The following COMMD7 variants were observed in gnomAD, a reference collection of about 807,000 sequenced individuals.
The protein encoded by COMMD7 is COMM domain containing 7, also known as COMM domain-containing protein 7.
A neutral mutation model predicts 34.8 loss-of-function variants in COMMD7; 28 were observed. That is an observed-to-expected ratio of 0.80 (90% confidence interval 0.60 to 1.10). COMMD7 has a LOEUF of 1.10. Among genes scored for constraint, COMMD7 ranks in the 50% least tolerant of loss-of-function variants. The pLI is 0.00. For synonymous variants in COMMD7, 80 were observed against 86.4 expected (o/e 0.93, Z 0.41); for missense variants, 211 against 241.6 (o/e 0.87, Z 0.84).
chr20:32,719,864 A>G (rs1310789358), intron 3 of COMMD7, among the ~76,000 whole-genome samples: 3 of 151,864 alleles, frequency 2.0e-5, no homozygotes, highest in Admixed American at 2.0e-4. Context: ...GGAGGTTAAG[A>G]CAGGAGAATC....
intron 3 of COMMD7, among the ~76,000 whole-genome samples, chr20:32,718,903 C>T (rs149009228): frequency 6.6e-6 from 1 of 152,180 alleles, no homozygotes; most frequent in East Asian, 1.9e-4. Context: ...GCTTGAATCT[C>T]CAGGGTTCCA....
chr20:32,739,891 G>A lies in COMMD7; in HGVS notation c.84+3417C>T, dbSNP rs1299054061. ...GAAAAAATTAGATGGGCATGGTGGT[G>A]AACACCTGTAATCTCAGCTACTTGA... On this transcript the variant is annotated intron_variant, in intron 1 of 8. Transcript: ENST00000278980. 3.5e-5 allele frequency among the ~76,000 whole-genome samples: 5 copies of A among 141,954 alleles called. 1 individual carries two copies. The East Asian group carries it at 1.2e-3, about 34-fold the overall frequency. 93.1% of individuals were successfully genotyped at this position (141,954 alleles called of 152,430 possible). A position where few individuals can be genotyped will look rare whatever the true frequency, so the allele number is the denominator to read the frequency against.
chr20:32,703,094 T>G lies in COMMD7; in HGVS notation c.*288A>C, dbSNP rs1983847940. ...TTTGAAGGGGAGGTGACAACTTATT[T>G]TCTCCCCTGAATCTGAGATGCAGTG... On this transcript the variant is annotated 3_prime_UTR_variant, in exon 9 of 9. Transcript: ENST00000278980. 3.4e-6 allele frequency: 1 copy of G among 296,412 alleles called. No homozygotes were observed. Among genetic ancestry groups the G allele is most frequent in the African/African-American group, 2.2e-5 (1 of 46,150 alleles). 18.4% of individuals were successfully genotyped at this position (296,412 alleles called of 1,614,324 possible).
At chr20:32,743,175 C>T in intron 1 of COMMD7, 133 bp downstream of exon 1, 2 of 732,174 alleles carry the variant, frequency 2.7e-6, no homozygotes, top group Non-Finnish European at 4.2e-6. Context: ...CCTCACACAC[C>T]CCAAACGCCC....
At chr20:32,727,567 G>A (rs1024285031) in intron 3 of COMMD7, among the ~76,000 whole-genome samples, 1 of 150,604 alleles carries the variant, frequency 6.6e-6, no homozygotes, top group African/African-American at 2.4e-5. Flanking sequence ...TTAGATTCAA[G>A]GGACATTGTC....
At chr20:32,730,406 T>A (rs565739930) in intron 1 of COMMD7, among the ~76,000 whole-genome samples, 1 of 152,188 alleles carries the variant, frequency 6.6e-6, no homozygotes, top group South Asian at 2.1e-4. Context: ...AATACAAAAA[T>A]TAGCCAGGCG....
intron 1 of COMMD7, among the ~76,000 whole-genome samples, chr20:32,737,225 C>T (rs1312152034): frequency 6.6e-6 from 1 of 151,100 alleles, no homozygotes; most frequent in Non-Finnish European, 1.5e-5. Flanking sequence ...TAAAGTTTAG[C>T]TGGGTGTGAG....
chr20:32,735,357 ACC>A (rs1430087141), intron 1 of COMMD7, among the ~76,000 whole-genome samples: 7 of 151,824 alleles, frequency 4.6e-5, no homozygotes, highest in Non-Finnish European at 1.0e-4. Context: ...TCTCTGTGTC[ACC>A]CAGGCTGGAG....
Position 32,728,160 on chromosome 20 carries a change from C to G in COMMD7, c.85-18G>C. On this transcript the variant is annotated intron_variant, in intron 1 of 8. Coordinates refer to ENST00000278980, the MANE Select transcript of COMMD7 (RefSeq NM_053041.3). ...GAGAACTGCTGTGAAGAAAACAACA[C>G]AGAACATCAGTACAATTTCTACTAC... 2 of 1,613,212 alleles carry G rather than the reference C, an allele frequency of 1.2e-6. No homozygotes were observed. Among genetic ancestry groups the G allele is most frequent in the Non-Finnish European group, 1.7e-6 (2 of 1,179,270 alleles).
intron 8 of COMMD7, 84 bp from the exon 9 acceptor site, chr20:32,703,542 T>C (rs1983873041): frequency 6.5e-7 from 1 of 1,526,892 alleles, no homozygotes; most frequent in Non-Finnish European, 8.8e-7. Flanking sequence ...CCGGAGGATT[T>C]TTTTTTTCTT....
At position 32,725,076 on chromosome 20, in the gene COMMD7, T is replaced by C. The variant is rs530621525; in HGVS notation, c.241+2817A>G. On this transcript the variant is annotated intron_variant, in intron 3 of 8. Coordinates refer to ENST00000278980, the MANE Select transcript of COMMD7 (RefSeq NM_053041.3). ...GTTGTAAGGATGTTCACTGTGGCAT[T>C]GTTTGTAAGGGTGAGATATGGGAAC... Among the ~76,000 whole-genome samples the C allele has an allele frequency of 1.4e-4, 22 of 151,990 alleles. No homozygotes were observed. In the South Asian group the frequency reaches 4.6e-3, roughly 32 times the overall value.
intron 5 of COMMD7, among the ~76,000 whole-genome samples, chr20:32,705,376 A>ATATATATTTTTTT (rs1335467096): frequency 8.0e-6 from 1 of 125,460 alleles, no homozygotes; most frequent in African/African-American, 3.4e-5. Flanking sequence ...ATATATATAT[A>ATATATATTTTTTT]TTTTTTTTTT....
intron 3 of COMMD7, among the ~76,000 whole-genome samples, chr20:32,709,973 G>A (rs940596571): frequency 6.6e-6 from 1 of 151,546 alleles, no homozygotes; most frequent in African/African-American, 2.4e-5. Flanking sequence ...TGACCTCCTG[G>A]GCTTAATGGA....
chr20:32,730,029 GAAAT>G (rs1369632954), intron 1 of COMMD7, among the ~76,000 whole-genome samples: 1 of 151,836 alleles, frequency 6.6e-6, no homozygotes, highest in Non-Finnish European at 1.5e-5. Flanking sequence ...AAGAAAGAAA[GAAAT>G]GTCTGCTGTT....
intron 1 of COMMD7, among the ~76,000 whole-genome samples, chr20:32,729,499 G>A (rs1222582416): frequency 6.6e-6 from 1 of 151,898 alleles, no homozygotes; most frequent in Non-Finnish European, 1.5e-5. Flanking sequence ...AAGAGGAAGA[G>A]GCCAGGTGCA....
chr20:32,725,825 CA>C (rs1379641104), intron 3 of COMMD7, among the ~76,000 whole-genome samples: 1 of 151,268 alleles, frequency 6.6e-6, no homozygotes, highest in Non-Finnish European at 1.5e-5. Context: ...CTGAGGCGGG[CA>C]GATCGCTTGA....
intron 8 of COMMD7, 140 bp from the exon 9 acceptor site, chr20:32,703,598 T>A: frequency 6.9e-7 from 1 of 1,447,316 alleles, no homozygotes; most frequent in Non-Finnish European, 9.1e-7. Context: ...TAACTGATCA[T>A]AATAAAGAAC....
At chr20:32,731,405 A>G (rs1985830270) in intron 1 of COMMD7, among the ~76,000 whole-genome samples, 1 of 152,196 alleles carries the variant, frequency 6.6e-6, no homozygotes, top group African/African-American at 2.4e-5. Flanking sequence ...CTGAGGTGGA[A>G]GGATTGCTTG....
At chr20:32,725,423 T>C (rs1221417597) in intron 3 of COMMD7, among the ~76,000 whole-genome samples, 1 of 109,706 alleles carries the variant, frequency 9.1e-6, no homozygotes, top group Admixed American at 8.9e-5. Context: ...AGCTCTATAC[T>C]GTGTTTTGTT....
Sources: gnomAD v4.1 joint callset for allele counts (sites outside exome capture counted in the v4.1 genomes callset) on GRCh38, gnomAD v4.1.1 for gene constraint, MANE v1.5 for transcripts, NCBI Gene and HGNC (gene_info 2026-07-23, HGNC 2026-07-21) for gene names.